JHY: variants seen among roughly 807,000 people sequenced by gnomAD.
JHY encodes jhy protein homolog.
A neutral mutation model predicts 78.0 loss-of-function variants in JHY; 69 were observed. The ratio of observed to expected loss-of-function variants is 0.88; its 90% confidence interval spans 0.73 to 1.08. The LOEUF is 1.08. JHY is among the 50% of genes least tolerant of loss of function. The pLI is 0.00. For synonymous variants in JHY, 368 were observed against 342.6 expected, an observed-to-expected ratio of 1.07 and a Z score of -0.82; for missense variants, 944 against 927.8, an observed-to-expected ratio of 1.02 and a Z score of -0.23.
intron 5 of JHY, among the ~76,000 whole-genome samples, chr11:122,945,719 A>C (rs1439902540): frequency 6.6e-6 from 1 of 152,220 alleles, no homozygotes; most frequent in South Asian, 2.1e-4. Context: ...TAGTTTCTTC[A>C]TGTTGGATTT....
chr11:122,957,573 T>A lies in JHY; in HGVS notation c.2139+82T>A, dbSNP rs61904392. The A allele has an allele frequency of 6.0e-5, 58 of 964,150 alleles. No individual in the cohort carries two copies. In the Middle Eastern group the frequency reaches 1.7e-3, roughly 29 times the overall value. 59.7% of individuals were successfully genotyped at this position (964,150 alleles called of 1,614,324 possible). A position where few individuals can be genotyped will look rare whatever the true frequency, so the allele number is the denominator to read the frequency against. ...TATTATCGCTTTTTTTTTTTTTTTT[T>A]AATTAGCCACAGAGTCTTGCCGTCT... On this transcript the variant is annotated intron_variant, in intron 8 of 8. Transcript: ENST00000227349.
At chr11:122,900,511 C>CTTTTTTT (rs374998954) in intron 2 of JHY, among the ~76,000 whole-genome samples, 44 of 65,068 alleles carry the variant, frequency 6.8e-4, no homozygotes, top group Non-Finnish European at 7.9e-4. Context: ...ATACTACCAG[C>CTTTTTTT]TTTTTTTTTT....
intron 5 of JHY, among the ~76,000 whole-genome samples, chr11:122,937,242 C>CTT (rs11353255): frequency 3.6e-5 from 5 of 137,668 alleles, no homozygotes; most frequent in African/African-American, 1.3e-4. Flanking sequence ...CTTTTCATTT[C>CTT]TTTTTTTTTT....
chr11:122,938,043 T>C (rs938506468), intron 5 of JHY, among the ~76,000 whole-genome samples: 1 of 152,144 alleles, frequency 6.6e-6, no homozygotes, highest in African/African-American at 2.4e-5. Flanking sequence ...TTTTTTGTTT[T>C]CTGGAAGCTT....
Position 122,907,856 on chromosome 11 carries a change from A to AT in JHY, c.864+3423dup, listed in dbSNP as rs544478371. ...CTCAAAAAAAAAAAAAAAAAAGGTG[A>AT]TTTTTTTTTTTGCTTCACTCAGACC... is the stretch of plus-strand genomic sequence containing the variant. On this transcript the variant is annotated intron_variant, in intron 3 of 8. Transcript: ENST00000227349. 3.5e-3 allele frequency among the ~76,000 whole-genome samples: 489 copies of AT among 138,378 alleles called. 1 individual carries two copies. The highest frequency in any genetic ancestry group is 9.8e-3 in the South Asian group (42 of 4,300). 90.8% of individuals were successfully genotyped at this position (138,378 alleles called of 152,430 possible).
In JHY at chr11:122,898,560, C is replaced by T. The variant is rs1862783619; in HGVS notation, c.345-5365C>T. On this transcript the variant is annotated intron_variant, in intron 2 of 8. Transcript: ENST00000227349. This position sits in a 1 kb window ranked among gnomAD's most constrained non-coding sequence, Gnocchi z 4.4. ...TAACACGTGCTCCCTTTCCACATCCCACTCCTGAGTGAGTAGCAGAACAGT... is the reference window on the plus strand; with the variant it reads ...TAACACGTGCTCCCTTTCCACATCCTACTCCTGAGTGAGTAGCAGAACAGT... Among the ~76,000 whole-genome samples the T allele has an allele frequency of 6.6e-6, 1 of 152,182 alleles. No individual in the cohort carries two copies. Among genetic ancestry groups the T allele is most frequent in the Non-Finnish European group, 1.5e-5 (1 of 68,040 alleles).
chr11:122,922,726 C>T (rs1863397175), intron 3 of JHY, among the ~76,000 whole-genome samples: 3 of 145,370 alleles, frequency 2.1e-5, no homozygotes, highest in African/African-American at 5.0e-5. Context: ...AGGAGAATGG[C>T]GTGAACCCGG....
intron 3 of JHY, among the ~76,000 whole-genome samples, chr11:122,914,485 C>T (rs1197354585): frequency 1.3e-5 from 2 of 151,932 alleles, no homozygotes; most frequent in Non-Finnish European, 2.9e-5. Flanking sequence ...CGCTCTGTAG[C>T]CCAGGCTGGA....
intron 6 of JHY, among the ~76,000 whole-genome samples, chr11:122,950,006 G>A (rs1259951512): frequency 6.6e-6 from 1 of 151,854 alleles, no homozygotes; most frequent in East Asian, 1.9e-4. Context: ...GCTGATTTTT[G>A]TATTTTTAGT....
At chr11:122,901,302 G>A (rs768677183) in intron 2 of JHY, among the ~76,000 whole-genome samples, 24 of 152,166 alleles carry the variant, frequency 1.6e-4, no homozygotes, top group Admixed American at 2.0e-4. Flanking sequence ...GAGGCAGTGC[G>A]TGAGCAGGAG....
intron 5 of JHY, among the ~76,000 whole-genome samples, chr11:122,945,832 T>A (rs545576585): frequency 8.5e-5 from 13 of 152,324 alleles, no homozygotes; most frequent in Admixed American, 7.2e-4. Flanking sequence ...GAGTGGGGGT[T>A]GTTTTTCTAT....
At position 122,934,595 on chromosome 11, in the gene JHY, C is replaced by T. The variant is rs1345556507; in HGVS notation, c.1154C>T (p.Thr385Ile). 1 of 1,613,998 alleles carries T rather than the reference C, an allele frequency of 6.2e-7. No individual in the cohort carries two copies. The highest frequency in any genetic ancestry group is 1.7e-5 in the Admixed American group (1 of 60,004). Residue 385 changes from threonine to isoleucine, a missense_variant, in exon 5 of 9, where the codon ACT becomes ATT. Transcript: ENST00000227349. ...AAGTCTTCCACAACGGAAGAGGTGA[C>T]TGCCAGTCAGGGGAACCAGAATAAC... ...GLKSSTTEEV[T>I]ASQGNQNNPP...
intron 2 of JHY, among the ~76,000 whole-genome samples, chr11:122,886,665 C>T (rs1194959447): frequency 2.9e-4 from 44 of 152,072 alleles, no homozygotes; most frequent in Non-Finnish European, 7.4e-5. Flanking sequence ...CCAGGTTGGT[C>T]TTGAACTCCT....
At chr11:122,900,422 G>A (rs1862826015) in intron 2 of JHY, among the ~76,000 whole-genome samples, 1 of 151,532 alleles carries the variant, frequency 6.6e-6, no homozygotes, top group African/African-American at 2.4e-5. Context: ...TTTGATTAGA[G>A]GGTTGCATCT....
intron 8 of JHY, chr11:122,958,790 A>T: frequency 1.0e-6 from 1 of 984,778 alleles, no homozygotes; most frequent in Non-Finnish European, 1.2e-6. Context: ...GATCCTAGGA[A>T]CAAGAATAGC....
chr11:122,886,301 C>T (rs1021895365), intron 2 of JHY, 108 bp downstream of exon 2: 14 of 1,046,030 alleles, frequency 1.3e-5, no homozygotes, highest in Admixed American at 2.9e-5. Flanking sequence ...TAATGAGCGC[C>T]GTGTGTGAGA....
Position 122,898,202 on chromosome 11 carries a change from T to C in JHY, c.345-5723T>C, listed in dbSNP as rs1294537443. 6.6e-6 allele frequency among the ~76,000 whole-genome samples: 1 copy of C among 152,232 alleles called. No homozygotes were observed. The highest frequency in any genetic ancestry group is 2.4e-5 in the African/African-American group (1 of 41,456). ...CTGTTTTCCTTGCTGCTGTATCTTC[T>C]GTGCCTAAGATTCTGCCTGTATGTA... On this transcript the variant is annotated intron_variant, in intron 2 of 8. Transcript: ENST00000227349. The surrounding 1 kb of genome is among the most constrained non-coding windows in gnomAD (Gnocchi z 4.4).
At chr11:122,933,594 A>C (rs1288637520) in intron 4 of JHY, among the ~76,000 whole-genome samples, 5 of 152,238 alleles carry the variant, frequency 3.3e-5, no homozygotes, top group Non-Finnish European at 7.3e-5. Context: ...TGATTGCCTA[A>C]GCGCAGGCTA....
chr11:122,943,192 A>G (rs1863908036), intron 5 of JHY, among the ~76,000 whole-genome samples: 1 of 152,230 alleles, frequency 6.6e-6, no homozygotes, highest in Non-Finnish European at 1.5e-5. Context: ...AGTATTTTCT[A>G]ATTCCATTAT....
Sources: allele counts gnomAD v4.1 joint callset (sites outside exome capture counted in the v4.1 genomes callset), GRCh38; gene constraint gnomAD v4.1.1; non-coding constraint Gnocchi (gnomAD v3.1); transcripts MANE v1.5; gene names NCBI Gene and HGNC (gene_info 2026-07-23, HGNC 2026-07-21).